KIF1A: variants seen among roughly 807,000 people sequenced by gnomAD.
KIF1A encodes kinesin-like protein KIF1A.
In KIF1A, 46 loss-of-function variants were observed where a neutral mutation model predicts 227.3. That is an observed-to-expected ratio of 0.20 (90% CI 0.16 to 0.26). KIF1A has a LOEUF of 0.26. KIF1A is among the 10% of genes least tolerant of loss of function. The probability of loss-of-function intolerance (pLI) is 1.00; values close to 1 mark genes in which losing one functional copy is unlikely to be tolerated. For synonymous variants in KIF1A, 1,022 were observed against 1,012.8 expected, an observed-to-expected ratio of 1.01 and a Z score of -0.17; for missense variants, 1,683 against 2,485.9, an observed-to-expected ratio of 0.68 and a Z score of 6.87.
At position 240,788,938 on chromosome 2, in the gene KIF1A, G is replaced by A. The variant is rs1057480663; in HGVS notation, c.183+298C>T. Among the ~76,000 whole-genome samples, 4 of 152,100 alleles carry A rather than the reference G, an allele frequency of 2.6e-5. No individual in the cohort carries two copies. The highest frequency in any genetic ancestry group is 2.1e-4 in the South Asian group (1 of 4,834). On this transcript the variant is annotated intron_variant, in intron 3 of 48. Transcript: ENST00000498729. The surrounding 1 kb of genome is among the most constrained non-coding windows in gnomAD (Gnocchi z 6.6). Reference sequence around the variant, plus strand: ...AGGGCACAGCTTCCAGACAGGCTCAGGGTCAGCTTTGGGCATTCTGACTTT... The same window carrying A: ...AGGGCACAGCTTCCAGACAGGCTCAAGGTCAGCTTTGGGCATTCTGACTTT...
At chr2:240,811,449 G>A (rs1367957728) in intron 1 of KIF1A, among the ~76,000 whole-genome samples, 1 of 152,250 alleles carries the variant, frequency 6.6e-6, no homozygotes, top group Non-Finnish European at 1.5e-5. Context: ...GAGCCACGTG[G>A]CCCCAAGGGT....
In KIF1A at chr2:240,745,734, T is replaced by C; in HGVS notation, c.3374+4A>G. ...GCAGGGACACAAAGGCAGCAGGGCC[T>C]CACTTGAACTGGCAGAAGATGTCGG... On this transcript the variant is annotated splice_donor_region_variant and intron_variant, in intron 31 of 48. Coordinates refer to ENST00000498729, the MANE Select transcript of KIF1A (RefSeq NM_001244008.2). 6.2e-7 allele frequency: 1 copy of C among 1,611,008 alleles called. No individual in the cohort carries two copies.
At chr2:240,767,697 G>GC (rs1258869388) in intron 17 of KIF1A, among the ~76,000 whole-genome samples, 3 of 152,260 alleles carry the variant, frequency 2.0e-5, no homozygotes, top group Non-Finnish European at 4.4e-5. Flanking sequence ...GCTGGGGTGA[G>GC]CCCCCAGATG....
chr2:240,769,310 G>A, intron 16 of KIF1A, 102 bp from the exon 17 acceptor site: 1 of 1,042,678 alleles, frequency 9.6e-7, no homozygotes, highest in Non-Finnish European at 1.4e-6. Flanking sequence ...GGCCACCGTG[G>A]CCTGGGTGGT....
chr2:240,783,718 G>A (rs770372385), intron 8 of KIF1A, 21 bp downstream of exon 8: 43 of 1,549,312 alleles, frequency 2.8e-5, no homozygotes, highest in Middle Eastern at 3.4e-4. Flanking sequence ...ACGGGTCCCC[G>A]CATGGCGGCC....
chr2:240,729,018 C>G (rs1351924445), intron 38 of KIF1A, among the ~76,000 whole-genome samples: 1 of 152,194 alleles, frequency 6.6e-6, no homozygotes. Context: ...GTCAGCATCC[C>G]TGTCTGGAAC....
intron 42 of KIF1A, 43 bp downstream of exon 42, chr2:240,723,370 A>G (rs775797078): frequency 6.0e-6 from 9 of 1,500,184 alleles, no homozygotes; most frequent in African/African-American, 4.2e-5. Context: ...ACAAAGCCAC[A>G]TGGACACCAC....
chr2:240,719,575 C>T (rs555343448), intron 46 of KIF1A, among the ~76,000 whole-genome samples, 199 bp downstream of exon 46: 3 of 152,352 alleles, frequency 2.0e-5, no homozygotes, highest in South Asian at 2.1e-4. Context: ...CAGGGCCCTG[C>T]CTGACCTCCC....
At chr2:240,820,249 C>T (rs1319058229), upstream of KIF1A, 1 of 149,724 alleles carries the variant, frequency 6.7e-6, no homozygotes, top group African/African-American at 2.4e-5. The surrounding 1 kb of genome is among the most constrained non-coding windows in gnomAD (Gnocchi z 6.2). Flanking sequence ...GGGCTGCGCG[C>T]CCCCGGCCCG....
At chr2:240,771,403 C>T in intron 14 of KIF1A, 2 of 452,366 alleles carry the variant, frequency 4.4e-6, no homozygotes, top group South Asian at 2.2e-5. Context: ...TGCCCGCCTG[C>T]CCCCCAGGCC....
chr2:240,795,306 T>C lies in KIF1A; in HGVS notation c.106+2341A>G, dbSNP rs373991109. On this transcript the variant is annotated intron_variant, in intron 2 of 48. Transcript: ENST00000498729. ...TCAGGGCCAGACGGGATCCAGGCAT[T>C]TGAAGCAGGGTGTCTCGCTTCAGGT... Among the ~76,000 whole-genome samples, 144 of 152,318 alleles carry C rather than the reference T, an allele frequency of 9.5e-4. 3 individuals carry two copies. In the South Asian group the frequency reaches 0.019, roughly 20 times the overall value.
At chr2:240,772,044 TG>T (rs1456174237) in intron 14 of KIF1A, among the ~76,000 whole-genome samples, 13 of 152,130 alleles carry the variant, frequency 8.5e-5, no homozygotes, top group Non-Finnish European at 1.8e-4. Context: ...GCACAAAGGT[TG>T]GGTGGGATTT....
intron 38 of KIF1A, among the ~76,000 whole-genome samples, chr2:240,727,193 C>T (rs1181778608): frequency 1.3e-5 from 2 of 152,068 alleles, no homozygotes; most frequent in Non-Finnish European, 2.9e-5. Context: ...ACAAATGGTG[C>T]CCCAGCTGTC....
intron 1 of KIF1A, among the ~76,000 whole-genome samples, chr2:240,804,053 G>A (rs1020734934): frequency 6.6e-5 from 10 of 152,314 alleles, no homozygotes; most frequent in African/African-American, 2.4e-4. Flanking sequence ...GGATCACAAG[G>A]TTAGGAGGTT....
Position 240,764,843 on chromosome 2 carries a change from T to A in KIF1A, c.1768+867A>T, listed in dbSNP as rs577284372. ...GACCTAAGAGCAAACTGGGGCTTCC[T>A]CTGAGGAAGAAGAAACCCAGCGGAT... On this transcript the variant is annotated intron_variant, in intron 20 of 48. Transcript: ENST00000498729. Among the ~76,000 whole-genome samples, 17 of 152,236 alleles carry A rather than the reference T, an allele frequency of 1.1e-4. No homozygotes were observed. The Middle Eastern group carries it at 0.02, about 183-fold the overall frequency.
intron 1 of KIF1A, among the ~76,000 whole-genome samples, chr2:240,806,994 C>G (rs1018902628): frequency 3.9e-5 from 6 of 152,024 alleles, no homozygotes; most frequent in African/African-American, 1.4e-4. Context: ...CAGGACCCCC[C>G]ACAGATACCA....
chr2:240,729,564 A>AGGGG (rs1187032741), intron 38 of KIF1A, among the ~76,000 whole-genome samples: 3 of 152,342 alleles, frequency 2.0e-5, no homozygotes, highest in Non-Finnish European at 4.4e-5. Flanking sequence ...AGGCCCAGCC[A>AGGGG]GGGGCTGCTC....
At chr2:240,779,647 C>CTTCCTCACAGTTCCACACTCAG (rs1168008646) in intron 10 of KIF1A, among the ~76,000 whole-genome samples, 1 of 149,566 alleles carries the variant, frequency 6.7e-6, no homozygotes, top group Non-Finnish European at 1.5e-5. Context: ...TCCTCACTCA[C>CTTCCTCACAGTTCCACACTCAG]TTCCTCACAG....
chr2:240,749,375 C>T (rs1293628062), intron 28 of KIF1A, among the ~76,000 whole-genome samples: 1 of 152,120 alleles, frequency 6.6e-6, no homozygotes, highest in East Asian at 1.9e-4. Flanking sequence ...CCAGGTCGCT[C>T]CTCTAAGCAG....
Sources: gnomAD v4.1 joint callset for allele counts (sites outside exome capture counted in the v4.1 genomes callset) on GRCh38, gnomAD v4.1.1 for gene constraint, Gnocchi (gnomAD v3.1) non-coding constraint, MANE v1.5 for transcripts, NCBI Gene and HGNC (gene_info 2026-07-23, HGNC 2026-07-21) for gene names.